Variants in ATG7 observed in about 807,000 individuals in gnomAD.
The protein encoded by ATG7 is ubiquitin-like modifier-activating enzyme ATG7.
In ATG7, 70 loss-of-function variants were observed where a neutral mutation model predicts 82.4. The ratio of observed to expected loss-of-function variants is 0.85; its 90% confidence interval spans 0.70 to 1.04. ATG7 has a LOEUF of 1.04. Ranked by LOEUF, ATG7 falls within the 50% of genes least tolerant of loss-of-function variation. The probability of loss-of-function intolerance (pLI) is 0.00; values close to 1 mark genes in which losing one functional copy is unlikely to be tolerated. For missense variants in ATG7, 792 were observed against 864.3 expected, an observed-to-expected ratio of 0.92 and a Z score of 1.05; for synonymous variants, 287 against 313.0, an observed-to-expected ratio of 0.92 and a Z score of 0.88.
intron 20 of ATG7, among the ~76,000 whole-genome samples, chr3:11,480,379 C>T (rs777208030): frequency 6.6e-6 from 1 of 152,084 alleles, no homozygotes; most frequent in African/African-American, 2.4e-5. Flanking sequence ...TCTACAAAAA[C>T]ATTTAAGATT....
Position 11,313,373 on chromosome 3 carries a change from C to T in ATG7, c.481C>T (p.Leu161Phe), listed in dbSNP as rs1187926015. Residue 161 changes from leucine to phenylalanine, a missense_variant, in exon 8 of 21, where the codon CTC (leucine) becomes TTC (phenylalanine). By Grantham distance (22) the Leu-to-Phe change is conservative. Coordinates refer to ENST00000693202, the MANE Select transcript of ATG7 (RefSeq NM_001349232.2). The part of the protein sequence containing the change: ...PALCLPESLP[L>F]IQGPVGLDQR... Reference sequence around the variant, plus strand: ...CCTCTGTCTTCCAGAGAGTTTACCTCTCATTCAGGGGCCAGTGGGTTTGGA... The same window carrying T: ...CCTCTGTCTTCCAGAGAGTTTACCTTTCATTCAGGGGCCAGTGGGTTTGGA... 4.3e-6 allele frequency: 7 copies of T among 1,613,058 alleles called. No homozygotes were observed. The highest frequency in any genetic ancestry group is 5.1e-6 in the Non-Finnish European group (6 of 1,179,464).
chr3:11,554,459 A>C (rs541603801), intron 20 of ATG7, among the ~76,000 whole-genome samples: 1 of 152,236 alleles, frequency 6.6e-6, no homozygotes, highest in South Asian at 2.1e-4. Flanking sequence ...CCACAAGGAG[A>C]ACAAGCTGGC....
intron 20 of ATG7, among the ~76,000 whole-genome samples, chr3:11,453,888 C>T (rs1241830926): frequency 6.6e-6 from 1 of 152,218 alleles, no homozygotes; most frequent in Non-Finnish European, 1.5e-5. Context: ...CAGCTGACTG[C>T]TCCATCTTAA....
rs192112427 is a variant in ATG7 at position 11,475,949 on chromosome 3, G to A, written c.2079+49023G>A. On this transcript the variant is annotated intron_variant, in intron 20 of 20. Coordinates refer to ENST00000693202, the MANE Select transcript of ATG7 (RefSeq NM_001349232.2). ...GAGCATTCTAGAGTTTCCTAACAGT[G>A]CAGTTGTCCTGTCTGAAATGTTTAC... 3.4e-5 allele frequency among the ~76,000 whole-genome samples: 5 copies of A among 148,684 alleles called. No homozygotes were observed. The East Asian group carries it at 1.0e-3, about 31-fold the overall frequency.
intron 19 of ATG7, among the ~76,000 whole-genome samples, chr3:11,394,595 C>A (rs1030994030): frequency 6.6e-6 from 1 of 152,130 alleles, no homozygotes; most frequent in East Asian, 1.9e-4. Context: ...TGCTTTCAAG[C>A]CTGAGAACCC....
At chr3:11,541,094 G>A (rs1233699692) in intron 20 of ATG7, among the ~76,000 whole-genome samples, 1 of 152,086 alleles carries the variant, frequency 6.6e-6, no homozygotes, top group African/African-American at 2.4e-5. Context: ...TAGAGACGGG[G>A]TTTCACCATG....
rs146155216 is a variant in ATG7, at chr3:11,410,445, A to T, written c.1957-16359A>T. The stretch of plus-strand genomic sequence containing the variant: ...TTCAATTTTTTATGTGATAGAATAC[A>T]TATAAAATTTGCCATTCTGTTTTTA... On this transcript the variant is annotated intron_variant, in intron 19 of 20. Coordinates refer to ENST00000693202, the MANE Select transcript of ATG7 (RefSeq NM_001349232.2). 1.5e-3 allele frequency among the ~76,000 whole-genome samples: 233 copies of T among 152,338 alleles called. 2 individuals are homozygous for T. Among genetic ancestry groups the T allele is most frequent in the East Asian group, 1.3e-3 (7 of 5,186 alleles).
intron 20 of ATG7, among the ~76,000 whole-genome samples, chr3:11,507,345 T>C (rs1559770945): frequency 6.6e-6 from 1 of 152,188 alleles, no homozygotes; most frequent in Non-Finnish European, 1.5e-5. Flanking sequence ...CAAAGGAAAT[T>C]AATTATGTTG....
Position 11,431,260 on chromosome 3 carries a change from G to A in ATG7, c.2079+4334G>A, listed in dbSNP as rs144017462. Reference sequence around the variant, plus strand: ...CTACTAAAAATACAAAATTAGCTGGGTGTGGTGGCATGTGCCTGTAATCCC... The same window carrying A: ...CTACTAAAAATACAAAATTAGCTGGATGTGGTGGCATGTGCCTGTAATCCC... On this transcript the variant is annotated intron_variant, in intron 20 of 20. Transcript: ENST00000693202. Among the ~76,000 whole-genome samples the A allele has an allele frequency of 2.4e-4, 36 of 152,320 alleles. 1 individual carries two copies. The East Asian group carries it at 6.9e-3, about 29-fold the overall frequency.
chr3:11,461,891 G>A (rs767277203), intron 20 of ATG7, among the ~76,000 whole-genome samples: 8 of 151,950 alleles, frequency 5.3e-5, no homozygotes, highest in Non-Finnish European at 7.4e-5. Flanking sequence ...TTAGCTGGGC[G>A]TGGTGGCGGG....
intron 20 of ATG7, among the ~76,000 whole-genome samples, chr3:11,435,713 C>A (rs2083305631): frequency 1.3e-5 from 2 of 152,170 alleles, no homozygotes; most frequent in African/African-American, 4.8e-5. Flanking sequence ...TTATTTACTT[C>A]ATTGACCTTC....
At chr3:11,345,020 T>C (rs1954280594) in intron 13 of ATG7, among the ~76,000 whole-genome samples, 1 of 152,260 alleles carries the variant, frequency 6.6e-6, no homozygotes, top group Non-Finnish European at 1.5e-5. Flanking sequence ...TGCCTTTTTC[T>C]AAGTTCCAGA....
intron 20 of ATG7, among the ~76,000 whole-genome samples, chr3:11,466,518 C>T (rs1177910457): frequency 3.3e-5 from 5 of 152,190 alleles, no homozygotes; most frequent in South Asian, 2.1e-4. Flanking sequence ...CTTGGGGACT[C>T]TTCTGGAAGG....
intron 20 of ATG7, among the ~76,000 whole-genome samples, chr3:11,513,618 G>A (rs1010043089): frequency 5.3e-5 from 8 of 152,160 alleles, no homozygotes; most frequent in Non-Finnish European, 8.8e-5. Context: ...TCCTGCTCCC[G>A]CCTCTCCCTC....
intron 7 of ATG7, 70 bp from the exon 8 acceptor site, chr3:11,313,234 C>T: frequency 9.8e-7 from 1 of 1,018,438 alleles, no homozygotes; most frequent in Non-Finnish European, 1.4e-6. Context: ...TGAGAAGCTA[C>T]ATTAATAGAT....
chr3:11,548,287 C>G (rs1346605771), intron 20 of ATG7, among the ~76,000 whole-genome samples: 1 of 152,186 alleles, frequency 6.6e-6, no homozygotes, highest in Non-Finnish European at 1.5e-5. Context: ...ATTCTAGATA[C>G]AAGTCTCTTA....
chr3:11,306,721 T>G (rs528127353), intron 5 of ATG7, among the ~76,000 whole-genome samples: 1 of 152,264 alleles, frequency 6.6e-6, no homozygotes, highest in African/African-American at 2.4e-5. Context: ...AGCATCCTGA[T>G]AGGTTAGAGT....
At chr3:11,442,054 C>T (rs144847975) in intron 20 of ATG7, among the ~76,000 whole-genome samples, 1 of 152,276 alleles carries the variant, frequency 6.6e-6, no homozygotes, top group South Asian at 2.1e-4. Context: ...TCACCTGCTT[C>T]GACTTCACAA....
intron 20 of ATG7, among the ~76,000 whole-genome samples, chr3:11,465,051 A>AAT (rs1553682615): frequency 2.0e-5 from 3 of 151,350 alleles, no homozygotes; most frequent in Non-Finnish European, 2.9e-5. Flanking sequence ...TAAAGGAAAA[A>AAT]TTTTTTTTCT....
Sources: gnomAD v4.1 joint callset for allele counts (sites outside exome capture counted in the v4.1 genomes callset) on GRCh38, gnomAD v4.1.1 for gene constraint, MANE v1.5 for transcripts, NCBI Gene and HGNC (gene_info 2026-07-23, HGNC 2026-07-21) for gene names.